IFT43: variants seen among roughly 807,000 people sequenced by gnomAD.
IFT43 encodes intraflagellar transport 43, also known as intraflagellar transport protein 43 homolog.
A neutral mutation model predicts 32.3 loss-of-function variants in IFT43; 33 were observed. The ratio of observed to expected loss-of-function variants is 1.02; its 90% confidence interval spans 0.77 to 1.37. The LOEUF is 1.37. IFT43 is among the 40% of genes most tolerant of loss of function. The probability of loss-of-function intolerance (pLI) is 0.00; values close to 1 mark genes in which losing one functional copy is unlikely to be tolerated. For missense variants in IFT43, 274 were observed against 265.9 expected, an observed-to-expected ratio of 1.03 and a Z score of -0.21; for synonymous variants, 93 against 98.2, an observed-to-expected ratio of 0.95 and a Z score of 0.31.
chr14:76,002,007 G>A (rs1315089228), intron 2 of IFT43, among the ~76,000 whole-genome samples: 2 of 152,222 alleles, frequency 1.3e-5, no homozygotes, highest in African/African-American at 4.8e-5. Context: ...CAGCACTTTG[G>A]GAGGCCAAGA....
intron 5 of IFT43, among the ~76,000 whole-genome samples, chr14:76,060,057 A>G (rs1026060898): frequency 2.0e-5 from 3 of 152,176 alleles, no homozygotes; most frequent in African/African-American, 7.2e-5. Context: ...ATGGCTAGCT[A>G]TATAAACGCA....
At chr14:76,066,847 T>C (rs1318795213) in intron 5 of IFT43, among the ~76,000 whole-genome samples, 2 of 152,138 alleles carry the variant, frequency 1.3e-5, no homozygotes, top group African/African-American at 2.4e-5. Context: ...AGAATAGAAA[T>C]GAGGATCTAA....
At chr14:76,059,859 G>GT (rs1179651424) in intron 5 of IFT43, among the ~76,000 whole-genome samples, 1 of 152,240 alleles carries the variant, frequency 6.6e-6, no homozygotes, top group South Asian at 2.1e-4. Flanking sequence ...GAGAGGTTAA[G>GT]TAAGTTGCCC....
chr14:76,020,500 A>C (rs1396391147), intron 2 of IFT43, among the ~76,000 whole-genome samples: 3 of 151,514 alleles, frequency 2.0e-5, no homozygotes. Context: ...TTCCAGTCTT[A>C]TGGATTGACT....
chr14:76,035,720 A>G (rs1196049642), intron 3 of IFT43, among the ~76,000 whole-genome samples: 2 of 152,218 alleles, frequency 1.3e-5, no homozygotes, highest in Non-Finnish European at 2.9e-5. Context: ...TCAATTTCCC[A>G]GAAAGGTGTC....
intron 2 of IFT43, among the ~76,000 whole-genome samples, chr14:76,017,216 T>A (rs182264852): frequency 1.3e-5 from 2 of 152,182 alleles, no homozygotes; most frequent in East Asian, 3.9e-4. Context: ...GAGGACTGAT[T>A]TGTTCCTTCT....
intron 2 of IFT43, among the ~76,000 whole-genome samples, chr14:76,021,247 C>T (rs367872918): frequency 2.0e-5 from 3 of 152,104 alleles, no homozygotes; most frequent in African/African-American, 7.2e-5. Flanking sequence ...ACACTGTACT[C>T]GGTCACTGGC....
At chr14:76,042,570 C>T (rs1022465835) in intron 3 of IFT43, among the ~76,000 whole-genome samples, 1 of 152,274 alleles carries the variant, frequency 6.6e-6, no homozygotes, top group Non-Finnish European at 1.5e-5. Context: ...CAGAGTTGTG[C>T]TCCAGCCAGC....
chr14:76,029,572 T>C (rs911015107), intron 3 of IFT43, among the ~76,000 whole-genome samples: 1 of 152,212 alleles, frequency 6.6e-6, no homozygotes, highest in Non-Finnish European at 1.5e-5. Context: ...TAGGCTTTCT[T>C]CTAGGATTTT....
chr14:76,073,867 C>A (rs775267575), intron 5 of IFT43, among the ~76,000 whole-genome samples: 1 of 152,118 alleles, frequency 6.6e-6, no homozygotes, highest in African/African-American at 2.4e-5. Context: ...TCCCCCTCCC[C>A]CCGTTTCTCA....
chr14:76,083,793 G>A (rs1193214932), downstream of IFT43: 1 of 688,652 alleles, frequency 1.5e-6, no homozygotes, highest in South Asian at 1.5e-5. Context: ...CACAAGTGAA[G>A]GAGAACAGCT....
intron 3 of IFT43, among the ~76,000 whole-genome samples, chr14:76,047,920 C>A (rs2036840834): frequency 6.6e-6 from 1 of 152,010 alleles, no homozygotes; most frequent in African/African-American, 2.4e-5. Context: ...GGTTGGTGAT[C>A]ATTCACAGAG....
intron 2 of IFT43, among the ~76,000 whole-genome samples, chr14:75,994,249 C>T (rs1257860725): frequency 6.6e-6 from 1 of 152,064 alleles, no homozygotes; most frequent in East Asian, 1.9e-4. Flanking sequence ...GTGGCCTCTT[C>T]TTGATCTTTT....
At chr14:76,010,049 C>T (rs1232086961) in intron 2 of IFT43, among the ~76,000 whole-genome samples, 1 of 152,212 alleles carries the variant, frequency 6.6e-6, no homozygotes, top group East Asian at 1.9e-4. Context: ...CCCTCCTCGG[C>T]CTCCCAAAGG....
chr14:76,035,388 A>G (rs528589534), intron 3 of IFT43, among the ~76,000 whole-genome samples: 1 of 152,308 alleles, frequency 6.6e-6, no homozygotes, highest in African/African-American at 2.4e-5. Context: ...CAAGGACATT[A>G]AGATGGCGGT....
intron 2 of IFT43, among the ~76,000 whole-genome samples, chr14:75,992,331 C>A (rs544392865): frequency 6.6e-5 from 10 of 152,144 alleles, no homozygotes; most frequent in Admixed American, 2.6e-4. Context: ...CGCATTGAGA[C>A]GCTTTTTAAT....
intron 3 of IFT43, among the ~76,000 whole-genome samples, chr14:76,029,087 AGT>A (rs2036459084): frequency 6.6e-6 from 1 of 152,236 alleles, no homozygotes; most frequent in Non-Finnish European, 1.5e-5. Context: ...TCCCACCAAC[AGT>A]GTGTAAGCAT....
At chr14:76,003,605 C>T (rs916086529) in intron 2 of IFT43, among the ~76,000 whole-genome samples, 3 of 151,360 alleles carry the variant, frequency 2.0e-5, no homozygotes, top group African/African-American at 7.3e-5. Flanking sequence ...GCACTCCAGC[C>T]TGGGCTACAG....
At chr14:76,019,030 AT>A (rs970856402) in intron 2 of IFT43, among the ~76,000 whole-genome samples, 7 of 151,972 alleles carry the variant, frequency 4.6e-5, no homozygotes, top group African/African-American at 1.7e-4. Flanking sequence ...CTAAGGACTT[AT>A]TTCTGCCATT....
Sources: gnomAD v4.1 joint callset for allele counts (sites outside exome capture counted in the v4.1 genomes callset) on GRCh38, gnomAD v4.1.1 for gene constraint, MANE v1.5 for transcripts, NCBI Gene and HGNC (gene_info 2026-07-23, HGNC 2026-07-21) for gene names.